ESRRG: variants seen among roughly 807,000 people sequenced by gnomAD.
ESRRG encodes estrogen related receptor gamma.
In ESRRG, 13 loss-of-function variants were observed where a neutral mutation model predicts 44.0. The ratio of observed to expected loss-of-function variants is 0.30; its 90% CI spans 0.19 to 0.47. The LOEUF (loss-of-function observed/expected upper bound fraction) is 0.47, where lower values mean the gene tolerates loss of function less well. ESRRG is among the 20% of genes least tolerant of loss of function. The probability of loss-of-function intolerance (pLI) is 1.00; values close to 1 mark genes in which losing one functional copy is unlikely to be tolerated. For missense variants in ESRRG, 395 were observed against 580.6 expected (o/e 0.68, Z 3.29); for synonymous variants, 215 against 214.6 (o/e 1.00, Z -0.02).
intron 1 of ESRRG, among the ~76,000 whole-genome samples, chr1:217,061,934 CA>C (rs1469160399): frequency 6.6e-6 from 1 of 152,098 alleles, no homozygotes; most frequent in Non-Finnish European, 1.5e-5. Context: ...ATAACATCTG[CA>C]AAAAACCTCC....
At chr1:216,938,915 T>G (rs1001804342) in intron 2 of ESRRG, among the ~76,000 whole-genome samples, 45 of 152,330 alleles carry the variant, frequency 3.0e-4, no homozygotes, top group African/African-American at 1.0e-3. Flanking sequence ...ACAGAATTCA[T>G]GGATGCAAGT....
intron 1 of ESRRG, among the ~76,000 whole-genome samples, chr1:217,051,688 C>A (rs1268454625): frequency 6.6e-6 from 1 of 152,110 alleles, no homozygotes; most frequent in African/African-American, 2.4e-5. Context: ...TATGGCCTGA[C>A]CATGCTTTTA....
At chr1:216,825,271 T>C (rs11117688) in intron 2 of ESRRG, among the ~76,000 whole-genome samples, 6,245 of 152,302 alleles carry the variant, frequency 0.041, 147 homozygotes, top group Middle Eastern at 0.061. Context: ...AGAGAAATCA[T>C]TGGCCTAAGC....
At position 216,810,702 on chromosome 1, in the gene ESRRG, ATGTGTG is replaced by A. The variant is rs35354364; in HGVS notation, c.-14+128874_-14+128879del. 7.6e-5 allele frequency among the ~76,000 whole-genome samples: 11 copies of A among 145,412 alleles called. No individual in the cohort carries two copies. The East Asian group carries it at 1.6e-3, about 21-fold the overall frequency. ...AGAGCTAATTCTTAAACAAAAATGG[ATGTGTG>A]TGTGTGTGTGTGTATGATATACACA... On this transcript the variant is annotated intron_variant, in intron 2 of 7. Coordinates refer to the ESRRG transcript ENST00000359162.
At chr1:216,782,662 C>T (rs1375434270) in intron 2 of ESRRG, among the ~76,000 whole-genome samples, 1 of 151,968 alleles carries the variant, frequency 6.6e-6, no homozygotes, top group Non-Finnish European at 1.5e-5. Context: ...AAGTTCCACT[C>T]TCAAGAATGC....
In ESRRG at chr1:217,118,617, T is replaced by C. The variant is rs181794542; in HGVS notation, c.-230+19050A>G. On this transcript the variant is annotated intron_variant, in intron 1 of 8. Transcript: ENST00000366940. ...AAATCACACATGCAAAAAGAATGCA[T>C]ACAAAGGGGAAAAATACATTTTTTG... is the stretch of plus-strand genomic sequence containing the variant. Among the ~76,000 whole-genome samples the C allele has an allele frequency of 3.3e-5, 5 of 152,240 alleles. No individual in the cohort carries two copies. In the East Asian group the frequency reaches 9.6e-4, roughly 29 times the overall value.
intron 2 of ESRRG, among the ~76,000 whole-genome samples, chr1:216,772,826 G>T (rs571904269): frequency 1.0e-3 from 156 of 151,444 alleles, no homozygotes; most frequent in African/African-American, 3.7e-3. Flanking sequence ...TACTTGGGCA[G>T]CTGCAAGTCA....
chr1:216,588,356 T>C (rs2057038548), intron 3 of ESRRG, among the ~76,000 whole-genome samples: 2 of 152,208 alleles, frequency 1.3e-5, no homozygotes, highest in Non-Finnish European at 2.9e-5. Flanking sequence ...TAGGAGCTAC[T>C]ACAACAAACA....
Position 216,919,724 on chromosome 1 carries a change from C to T in ESRRG, c.-14+19858G>A, listed in dbSNP as rs978074881. On this transcript the variant is annotated intron_variant, in intron 2 of 7. Coordinates refer to the ESRRG transcript ENST00000359162. ...GGAGGAGAAATATCATGTTTCCATACCACTACAGACCTGACCCGGGTGTTA... is the reference window on the plus strand; with the variant it reads ...GGAGGAGAAATATCATGTTTCCATATCACTACAGACCTGACCCGGGTGTTA... Among the ~76,000 whole-genome samples, 4 of 152,242 alleles carry T rather than the reference C, an allele frequency of 2.6e-5. No individual in the cohort carries two copies. The East Asian group carries it at 5.8e-4, about 22-fold the overall frequency.
At chr1:217,062,750 G>C (rs1360377391) in intron 1 of ESRRG, among the ~76,000 whole-genome samples, 4 of 152,242 alleles carry the variant, frequency 2.6e-5, no homozygotes, top group African/African-American at 9.6e-5. Context: ...AGGTACAAAC[G>C]AATACCTCCC....
intron 1 of ESRRG, among the ~76,000 whole-genome samples, chr1:217,053,968 C>A (rs2086607389): frequency 6.6e-6 from 1 of 151,776 alleles, no homozygotes; most frequent in African/African-American, 2.4e-5. Context: ...AAGTTGTCAG[C>A]CGTGGCGTTC....
At chr1:216,623,420 G>A (rs4567343) in intron 3 of ESRRG, among the ~76,000 whole-genome samples, 1 of 151,830 alleles carries the variant, frequency 6.6e-6, no homozygotes, top group African/African-American at 2.4e-5. Flanking sequence ...CATTTTTATC[G>A]CACTAAATTC....
At chr1:216,796,250 A>G (rs2094467396) in intron 2 of ESRRG, among the ~76,000 whole-genome samples, 1 of 152,182 alleles carries the variant, frequency 6.6e-6, no homozygotes, top group African/African-American at 2.4e-5. Flanking sequence ...ACAGGAAAGC[A>G]TGTACACCCT....
chr1:217,084,002 C>T (rs549535733), intron 1 of ESRRG, among the ~76,000 whole-genome samples: 1 of 152,084 alleles, frequency 6.6e-6, no homozygotes, highest in African/African-American at 2.4e-5. Flanking sequence ...CCAAAAATCA[C>T]GTGGGATTGC....
At chr1:216,605,433 A>G (rs2059802094) in intron 3 of ESRRG, among the ~76,000 whole-genome samples, 1 of 152,226 alleles carries the variant, frequency 6.6e-6, no homozygotes, top group African/African-American at 2.4e-5. Context: ...ACAACACATT[A>G]GCCAGTATCT....
intron 2 of ESRRG, among the ~76,000 whole-genome samples, chr1:216,922,399 T>C (rs866022837): frequency 7.2e-5 from 11 of 152,138 alleles, no homozygotes; most frequent in African/African-American, 2.7e-4. Context: ...AGTTAAGCAG[T>C]AATGAGGGAA....
At chr1:216,571,031 G>A (rs1458533893) in intron 3 of ESRRG, among the ~76,000 whole-genome samples, 1 of 152,074 alleles carries the variant, frequency 6.6e-6, no homozygotes, top group African/African-American at 2.4e-5. Flanking sequence ...TTAAGATCTT[G>A]GTGGAAAACA....
intron 2 of ESRRG, among the ~76,000 whole-genome samples, chr1:216,766,641 T>G (rs574197276): frequency 6.6e-6 from 1 of 152,170 alleles, no homozygotes; most frequent in South Asian, 2.1e-4. Flanking sequence ...GGAAAACCAG[T>G]GTGATATCTG....
intron 2 of ESRRG, among the ~76,000 whole-genome samples, chr1:216,675,732 GC>G (rs1031033680): frequency 4.4e-4 from 67 of 152,282 alleles, no homozygotes; most frequent in Middle Eastern, 3.4e-3. Context: ...CTGGGAACTT[GC>G]ATTTCTTACA....
Sources: gnomAD v4.1 joint callset for allele counts (sites outside exome capture counted in the v4.1 genomes callset) on GRCh38, gnomAD v4.1.1 for gene constraint, MANE v1.5 for transcripts, NCBI Gene and HGNC (gene_info 2026-07-23, HGNC 2026-07-21) for gene names.